Variants in FAM193A observed in about 807,000 individuals in gnomAD.
The protein encoded by FAM193A is family with sequence similarity 193 member A.
FAM193A carries 22 observed loss-of-function variants against 126.5 expected under a neutral mutation model. That is an observed-to-expected ratio of 0.17 (90% confidence interval 0.12 to 0.25). The LOEUF is 0.25. Ranked by LOEUF, FAM193A falls within the 10% of genes least tolerant of loss-of-function variation. The probability of loss-of-function intolerance (pLI) is 1.00; values close to 1 mark genes in which losing one functional copy is unlikely to be tolerated. For synonymous variants in FAM193A, 761 were observed against 646.8 expected (o/e 1.18, Z -2.68); for missense variants, 1,675 against 1,672.8 (o/e 1.00, Z -0.02).
chr4:2,729,578 T>C (rs981083953), intron 20 of FAM193A, among the ~76,000 whole-genome samples: 1 of 152,240 alleles, frequency 6.6e-6, no homozygotes, highest in South Asian at 2.1e-4. Flanking sequence ...TTCTGCCTTA[T>C]GGCCTTTGGT....
chr4:2,711,529 G>A (rs1035045931), intron 19 of FAM193A, among the ~76,000 whole-genome samples: 7 of 151,198 alleles, frequency 4.6e-5, no homozygotes, highest in Non-Finnish European at 5.9e-5. Flanking sequence ...TAGTAGCGAC[G>A]GAGTTTCACC....
chr4:2,597,911 A>AT (rs369645448), intron 2 of FAM193A, among the ~76,000 whole-genome samples: 3,591 of 148,394 alleles, frequency 0.024, 54 homozygotes, highest in Middle Eastern at 0.053. Context: ...ACTCACCTGA[A>AT]TTTTTTTTTT....
chr4:2,596,828 G>A (rs978251974), intron 2 of FAM193A, among the ~76,000 whole-genome samples: 2 of 152,112 alleles, frequency 1.3e-5, no homozygotes, highest in African/African-American at 4.8e-5. Flanking sequence ...CTTGTTCCGG[G>A]CAGGCTTTCA....
chr4:2,652,625 C>T (rs570301724), intron 7 of FAM193A, among the ~76,000 whole-genome samples: 7 of 152,218 alleles, frequency 4.6e-5, no homozygotes, highest in African/African-American at 1.4e-4. Context: ...CTCGCTATCA[C>T]GAGAACAGCA....
rs375632942 is a variant in FAM193A, at chr4:2,699,977, G to C, written c.3805G>C (p.Glu1269Gln). 42 of 1,613,798 alleles carry C rather than the reference G, an allele frequency of 2.6e-5. No homozygotes were observed. The highest frequency in any genetic ancestry group is 3.5e-5 in the Non-Finnish European group (41 of 1,180,008). The change falls in exon 19 of 21, where the codon GAA becomes CAA. Residue 1269 changes from glutamate (E) to glutamine (Q), a missense_variant. Physicochemically the swap from Glu to Gln is conservative, Grantham distance 29. This residue lies in a region of FAM193A where 415 missense variants were observed against 396.7 expected (regional missense o/e 1.05). Transcript: ENST00000637812. ...IHNGSLEQTE[E>Q]PETSSHSPSR... The stretch of plus-strand genomic sequence containing the variant: ...CAATGGCTCACTAGAGCAAACTGAA[G>C]AACCAGAAACCTCTTCTCACTCCCC...
chr4:2,607,770 G>A lies in FAM193A; in HGVS notation c.501+11441G>A. On this transcript the variant is annotated intron_variant, in intron 2 of 20. Transcript: ENST00000637812. Reference sequence around the variant, plus strand: ...GCTGGACCATCTGAATGGGGTCCTCGGACCACACTTTGAGAACCACAGCTC... The same window carrying A: ...GCTGGACCATCTGAATGGGGTCCTCAGACCACACTTTGAGAACCACAGCTC... 1.8e-5 allele frequency: 9 copies of A among 489,584 alleles called. No homozygotes were observed. The South Asian group carries it at 2.1e-4, about 11-fold the overall frequency. The allele number at this position is 489,584 out of a possible 1,614,324, so 30.3% of individuals were successfully genotyped here. A position where few individuals can be genotyped will look rare whatever the true frequency, so the allele number is the denominator to read the frequency against.
At chr4:2,615,954 C>T (rs1742157358) in intron 2 of FAM193A, among the ~76,000 whole-genome samples, 1 of 151,824 alleles carries the variant, frequency 6.6e-6, no homozygotes, top group Admixed American at 6.6e-5. Context: ...TGGGATTACA[C>T]ATGCACGCCA....
chr4:2,726,950 C>CAAA (rs35697253), intron 20 of FAM193A, among the ~76,000 whole-genome samples: 4 of 104,054 alleles, frequency 3.8e-5, no homozygotes, highest in Non-Finnish European at 5.9e-5. Context: ...AACTCCGTCC[C>CAAA]AAAAAAAAAA....
At chr4:2,658,951 A>G (rs1712055462) in intron 8 of FAM193A, among the ~76,000 whole-genome samples, 2 of 152,068 alleles carry the variant, frequency 1.3e-5, no homozygotes, top group Non-Finnish European at 2.9e-5. Context: ...GGGTTTCACC[A>G]TGTTGGCCAG....
chr4:2,632,050 A>T (rs569696057), intron 5 of FAM193A, among the ~76,000 whole-genome samples: 1 of 149,562 alleles, frequency 6.7e-6, no homozygotes, highest in South Asian at 2.1e-4. Context: ...AGGAAGGCTG[A>T]GAAGTCTAAG....
chr4:2,607,715 G>C (rs1288140728), intron 2 of FAM193A, among the ~76,000 whole-genome samples: 1 of 152,236 alleles, frequency 6.6e-6, no homozygotes, highest in Non-Finnish European at 1.5e-5. Context: ...CTTATAGCAT[G>C]GCCTTACCCT....
chr4:2,634,165 G>C (rs1743871716), intron 5 of FAM193A, among the ~76,000 whole-genome samples: 1 of 152,234 alleles, frequency 6.6e-6, no homozygotes, highest in Non-Finnish European at 1.5e-5. Context: ...GGGATCTGCA[G>C]CTCTCGTGGC....
chr4:2,701,505 G>A (rs961455967), intron 19 of FAM193A, among the ~76,000 whole-genome samples: 32 of 152,148 alleles, frequency 2.1e-4, no homozygotes, highest in East Asian at 7.7e-4. Flanking sequence ...ATGTTTTGGC[G>A]GCAACACCAC....
At chr4:2,569,812 C>G (rs1409795646) in intron 1 of FAM193A, among the ~76,000 whole-genome samples, 1 of 152,122 alleles carries the variant, frequency 6.6e-6, no homozygotes, top group African/African-American at 2.4e-5. Context: ...GCTGCTAATT[C>G]CATTAAAATA....
intron 13 of FAM193A, among the ~76,000 whole-genome samples, chr4:2,684,613 G>T (rs1282118725): frequency 1.3e-5 from 2 of 152,170 alleles, no homozygotes; most frequent in Non-Finnish European, 2.9e-5. Context: ...CATAGTGGAT[G>T]CTTCCCTGTG....
chr4:2,625,482 A>G (rs1349809537), intron 3 of FAM193A, 87 bp downstream of exon 3: 2 of 591,012 alleles, frequency 3.4e-6, no homozygotes, highest in African/African-American at 3.7e-5. Context: ...AAACTGGGCT[A>G]ATGTGACAGA....
At position 2,639,793 on chromosome 4, in the gene FAM193A, T is replaced by C; in HGVS notation, c.1097T>C (p.Phe366Ser). 1.2e-6 allele frequency: 2 copies of C among 1,614,142 alleles called. No individual in the cohort carries two copies. The highest frequency in any genetic ancestry group is 1.7e-6 in the Non-Finnish European group (2 of 1,179,974). ...TGGGAACTGCATAATAAACACCTGTTTGAAAATCTGGTCTTTTCGGAGCCA... is the reference window on the plus strand; with the variant it reads ...TGGGAACTGCATAATAAACACCTGTCTGAAAATCTGGTCTTTTCGGAGCCA... ...VTWELHNKHL[F>S]ENLVFSEPLL... The change falls in exon 6 of 21, where the codon TTT becomes TCT. Residue 366 changes from phenylalanine to serine, a missense_variant. Physicochemically the swap from Phe to Ser is radical, Grantham distance 155 (BLOSUM62 -2). Coordinates refer to ENST00000637812, the MANE Select transcript of FAM193A (RefSeq NM_001366318.2).
At chr4:2,578,304 C>T (rs1023207278) in intron 1 of FAM193A, among the ~76,000 whole-genome samples, 14 of 151,916 alleles carry the variant, frequency 9.2e-5, no homozygotes, top group African/African-American at 3.4e-4. Flanking sequence ...TTTTGCATTG[C>T]CTGCTTTATT....
intron 2 of FAM193A, among the ~76,000 whole-genome samples, chr4:2,605,870 C>A (rs1741505073): frequency 1.4e-5 from 2 of 139,732 alleles, no homozygotes; most frequent in Non-Finnish European, 3.0e-5. Flanking sequence ...ACTGGGGAGG[C>A]TGAGGCAGGA....
Sources: allele counts gnomAD v4.1 joint callset (sites outside exome capture counted in the v4.1 genomes callset), GRCh38; gene constraint gnomAD v4.1.1; regional missense constraint gnomAD v4.1.1; transcripts MANE v1.5; gene names NCBI Gene and HGNC (gene_info 2026-07-23, HGNC 2026-07-21).